The following CNOT4 variants were observed in gnomAD, a reference collection of about 807,000 sequenced individuals.
The protein encoded by CNOT4 is CCR4-associated factor 4.
CNOT4 carries 8 observed loss-of-function variants against 73.8 expected under a neutral mutation model. The ratio of observed to expected loss-of-function variants is 0.11; its 90% CI spans 0.06 to 0.20. The LOEUF (loss-of-function observed/expected upper bound fraction) is 0.20, where lower values mean the gene tolerates loss of function less well. Among genes scored for constraint, CNOT4 ranks in the 10% least tolerant of loss-of-function variants. The probability of loss-of-function intolerance (pLI) is 1.00; values close to 1 mark genes in which losing one functional copy is unlikely to be tolerated. For synonymous variants in CNOT4, 293 were observed against 321.1 expected, an observed-to-expected ratio of 0.91 and a Z score of 0.94; for missense variants, 564 against 883.4, an observed-to-expected ratio of 0.64 and a Z score of 4.58.
At position 135,409,910 on chromosome 7, in the gene CNOT4, G is replaced by C. The variant is rs150210689; in HGVS notation, c.821+605C>G. On this transcript the variant is annotated intron_variant, in intron 7 of 11. Transcript: ENST00000541284. Reference sequence around the variant, plus strand: ...TAAGAAGATCAACATATCAGAATGAGACTCTCTACTGAAGACCATAAATTT... The same window carrying C: ...TAAGAAGATCAACATATCAGAATGACACTCTCTACTGAAGACCATAAATTT... Among the ~76,000 whole-genome samples, 446 of 152,174 alleles carry C rather than the reference G, an allele frequency of 2.9e-3. 2 individuals carry two copies. Among genetic ancestry groups the C allele is most frequent in the African/African-American group, 9.8e-3 (407 of 41,530 alleles).
chr7:135,469,815 T>A (rs1801461323), intron 1 of CNOT4, among the ~76,000 whole-genome samples: 1 of 150,196 alleles, frequency 6.7e-6, no homozygotes, highest in African/African-American at 2.5e-5. Flanking sequence ...GATGTGTGGG[T>A]TTTTTTGTTT....
At chr7:135,462,489 TA>T (rs1800936947) in intron 1 of CNOT4, among the ~76,000 whole-genome samples, 2 of 152,136 alleles carry the variant, frequency 1.3e-5, no homozygotes, top group African/African-American at 4.8e-5. Flanking sequence ...AATGAAATAA[TA>T]AAAGACTGGA....
chr7:135,414,295 TA>T (rs567428044), intron 5 of CNOT4, 35 bp downstream of exon 5: 134,903 of 612,456 alleles, frequency 0.22, 2 homozygotes, highest in East Asian at 0.27. Context: ...TCGTCTTCCT[TA>T]AAAAAAAAAA....
At chr7:135,465,123 G>A (rs999081698) in intron 1 of CNOT4, among the ~76,000 whole-genome samples, 2 of 152,122 alleles carry the variant, frequency 1.3e-5, no homozygotes, top group South Asian at 2.1e-4. Flanking sequence ...TTCCTAAGCT[G>A]CTGCTCTCTG....
At position 135,376,367 on chromosome 7, in the gene CNOT4, A is replaced by T. The variant is rs1054622417; in HGVS notation, c.1628-12301T>A. On this transcript the variant is annotated intron_variant, in intron 10 of 11. Coordinates refer to ENST00000541284, the MANE Select transcript of CNOT4 (RefSeq NM_001190850.2). Reference sequence around the variant, plus strand: ...TGCTGTTCTGCTTTTTTTTAATTTTAATTTTTATTTTTTTAAGGCTAGTCA... The same window carrying T: ...TGCTGTTCTGCTTTTTTTTAATTTTTATTTTTATTTTTTTAAGGCTAGTCA... 5.5e-4 allele frequency among the ~76,000 whole-genome samples: 83 copies of T among 152,058 alleles called. 2 individuals carry two copies. Among genetic ancestry groups the T allele is most frequent in the Non-Finnish European group, 5.9e-5 (4 of 67,968 alleles).
intron 10 of CNOT4, among the ~76,000 whole-genome samples, chr7:135,390,235 G>T (rs1337817845): frequency 6.6e-6 from 1 of 152,086 alleles, no homozygotes; most frequent in Non-Finnish European, 1.5e-5. Context: ...GGGCATCGTT[G>T]TAGTGCAAAA....
intron 1 of CNOT4, among the ~76,000 whole-genome samples, chr7:135,449,377 A>G (rs1272622238): frequency 1.3e-5 from 2 of 152,168 alleles, no homozygotes; most frequent in East Asian, 3.8e-4. Flanking sequence ...CTGAATGTAT[A>G]TTTCCTTTTT....
At chr7:135,400,290 C>T (rs1412011498) in intron 7 of CNOT4, among the ~76,000 whole-genome samples, 8 of 152,036 alleles carry the variant, frequency 5.3e-5, no homozygotes, top group Admixed American at 3.9e-4. Context: ...CCATAGGCCA[C>T]AGAAATGACC....
intron 1 of CNOT4, among the ~76,000 whole-genome samples, chr7:135,493,516 T>C (rs1259900025): frequency 1.3e-5 from 2 of 152,164 alleles, no homozygotes; most frequent in South Asian, 2.1e-4. Flanking sequence ...TTGCTGATGA[T>C]AGACTGTGAA....
At chr7:135,410,366 T>C in intron 7 of CNOT4, 149 bp downstream of exon 7, 1 of 487,806 alleles carries the variant, frequency 2.0e-6, no homozygotes, top group Non-Finnish European at 3.4e-6. Flanking sequence ...ACCCAGAAAT[T>C]GTGACTCAAC....
At chr7:135,449,820 T>C (rs1800054285) in intron 1 of CNOT4, among the ~76,000 whole-genome samples, 1 of 133,572 alleles carries the variant, frequency 7.5e-6, no homozygotes. Context: ...GGAATGAGAA[T>C]ATTGTGGGTT....
rs530306287 is a variant in CNOT4 at position 135,402,472 on chromosome 7, T to A, written c.822-4246A>T. Among the ~76,000 whole-genome samples the A allele has an allele frequency of 1.9e-3, 283 of 152,258 alleles. 4 individuals carry two copies. Among genetic ancestry groups the A allele is most frequent in the African/African-American group, 6.6e-3 (275 of 41,546 alleles). On this transcript the variant is annotated intron_variant, in intron 7 of 11. Transcript: ENST00000541284. ...AACCCAAAAGGGCAACAGAGCTTTT[T>A]AAAATACATATATGCACAAAATATA...
At position 135,414,314 on chromosome 7, in the gene CNOT4, CAA is replaced by C. The variant is rs779178763; in HGVS notation, c.561+15_561+16del. 3 of 849,746 alleles carry C rather than the reference CAA, an allele frequency of 3.5e-6. No individual in the cohort carries two copies. The highest frequency in any genetic ancestry group is 5.8e-6 in the Non-Finnish European group (3 of 519,742). 52.6% of individuals were successfully genotyped at this position (849,746 alleles called of 1,614,324 possible). On this transcript the variant is annotated intron_variant, in intron 5 of 11. Transcript: ENST00000541284. ...CTTCCTTAAAAAAAAAAAAAAGAAT[CAA>C]GAGGACTATATTACCTTAAGTGTTC... is the stretch of plus-strand genomic sequence containing the variant.
At chr7:135,415,126 T>TCAAGCCCAGAC (rs748355762) in intron 4 of CNOT4, 50 bp downstream of exon 4, 1 of 1,094,526 alleles carries the variant, frequency 9.1e-7, no homozygotes, top group Non-Finnish European at 1.4e-6. Flanking sequence ...ACAGCCCAGG[T>TCAAGCCCAGAC]CAAGCCCAGA....
intron 1 of CNOT4, among the ~76,000 whole-genome samples, chr7:135,485,544 G>A (rs1369520732): frequency 2.6e-5 from 4 of 152,208 alleles, no homozygotes; most frequent in Non-Finnish European, 5.9e-5. Flanking sequence ...GATGAAGAAA[G>A]AGACATATAG....
At chr7:135,390,237 A>G (rs1000551836) in intron 10 of CNOT4, among the ~76,000 whole-genome samples, 1 of 152,114 alleles carries the variant, frequency 6.6e-6, no homozygotes, top group African/African-American at 2.4e-5. Context: ...GCATCGTTGT[A>G]GTGCAAAAAC....
At chr7:135,382,330 G>A (rs1219361921) in intron 10 of CNOT4, among the ~76,000 whole-genome samples, 1 of 152,154 alleles carries the variant, frequency 6.6e-6, no homozygotes, top group African/African-American at 2.4e-5. Context: ...GCAATGTTAG[G>A]TGGCTCGATT....
At position 135,363,096 on chromosome 7, in the gene CNOT4, A is replaced by G. The variant is rs1419567477; in HGVS notation, c.1931T>C (p.Met644Thr). 1 of 1,613,998 alleles carries G rather than the reference A, an allele frequency of 6.2e-7. No individual in the cohort carries two copies. The highest frequency in any genetic ancestry group is 2.2e-5 in the East Asian group (1 of 44,878). ...TGATGGAGCAGCGCTGGGGCCGTCCATCTCTGTGAGGGCCTGAAGGGATTT... is the reference window on the plus strand; with the variant it reads ...TGATGGAGCAGCGCTGGGGCCGTCCGTCTCTGTGAGGGCCTGAAGGGATTT... ...WLKSLQALTE[M>T]DGPSAAPSQT... The change falls in exon 12 of 12, where the codon ATG becomes ACG. Residue 644 changes from methionine (M) to threonine (T), a missense_variant. Met to Thr is a moderately conservative substitution (Grantham distance 81, BLOSUM62 -1). This residue lies in a region of CNOT4 where 88 missense variants were observed against 94.7 expected (regional missense o/e 0.93). Transcript: ENST00000541284. This position sits in a 1 kb window ranked among gnomAD's most constrained non-coding sequence, Gnocchi z 4.3.
intron 1 of CNOT4, among the ~76,000 whole-genome samples, chr7:135,450,901 G>C (rs1036862170): frequency 3.3e-5 from 5 of 152,056 alleles, no homozygotes; most frequent in Non-Finnish European, 5.9e-5. Context: ...AGGTTGCAGT[G>C]AGCCGAGATC....
Sources: gnomAD v4.1 joint callset for allele counts (sites outside exome capture counted in the v4.1 genomes callset) on GRCh38, gnomAD v4.1.1 for gene constraint, gnomAD v4.1.1 regional missense constraint, Gnocchi (gnomAD v3.1) non-coding constraint, MANE v1.5 for transcripts, NCBI Gene and HGNC (gene_info 2026-07-23, HGNC 2026-07-21) for gene names.